Variants in WWP1 observed in about 807,000 individuals in gnomAD.
The protein encoded by WWP1 is NEDD4-like E3 ubiquitin-protein ligase WWP1.
Under a neutral mutation model 130.6 loss-of-function variants are expected in WWP1, and 49 were observed. The ratio of observed to expected loss-of-function variants is 0.38; its 90% CI spans 0.30 to 0.48. The LOEUF (loss-of-function observed/expected upper bound fraction) is 0.48. Among genes scored for constraint, WWP1 ranks in the 20% least tolerant of loss-of-function variants. The pLI is 0.99. For missense variants in WWP1, 809 were observed against 1,100.6 expected, an observed-to-expected ratio of 0.74 and a Z score of 3.75; for synonymous variants, 332 against 367.8, an observed-to-expected ratio of 0.90 and a Z score of 1.11.
rs907723183 is a variant in WWP1, at chr8:86,382,494, T to A, written c.334+865T>A. Among the ~76,000 whole-genome samples, 10 of 152,066 alleles carry A rather than the reference T, an allele frequency of 6.6e-5. No homozygotes were observed. The East Asian group carries it at 1.7e-3, about 26-fold the overall frequency. ...TGGGCAGATCACTTGAGATCAGAAG[T>A]TCAAGACCAGTCTGACCAACATGGT... On this transcript the variant is annotated intron_variant, in intron 5 of 24. Transcript: ENST00000517970.
chr8:86,458,390 C>T (rs1470855158), intron 22 of WWP1, among the ~76,000 whole-genome samples: 1 of 152,072 alleles, frequency 6.6e-6, no homozygotes, highest in Non-Finnish European at 1.5e-5. Context: ...ACTTTAATTC[C>T]TCTGAGGTAA....
chr8:86,379,226 A>AGTGGC (rs1824845587), intron 3 of WWP1, among the ~76,000 whole-genome samples: 1 of 152,170 alleles, frequency 6.6e-6, no homozygotes, highest in Non-Finnish European at 1.5e-5. Flanking sequence ...AACTTAGAGC[A>AGTGGC]GTTTGGAACG....
chr8:86,350,628 C>G (rs999172916), intron 1 of WWP1, among the ~76,000 whole-genome samples: 1 of 152,178 alleles, frequency 6.6e-6, no homozygotes, highest in African/African-American at 2.4e-5. Flanking sequence ...GAAGGTGCTT[C>G]TTGATGGCTG....
chr8:86,434,611 G>A lies in WWP1; in HGVS notation c.1602-841G>A, dbSNP rs118009207. On this transcript the variant is annotated intron_variant, in intron 14 of 24. Coordinates refer to ENST00000517970, the MANE Select transcript of WWP1 (RefSeq NM_007013.4). ...TTATTGTTTTATTGTTCTAGGTCAG[G>A]AGTGATAAGACATTTGTACTTTACT... 2.6e-3 allele frequency among the ~76,000 whole-genome samples: 390 copies of A among 152,152 alleles called. 5 individuals are homozygous for A. In the East Asian group the frequency reaches 0.064, roughly 25 times the overall value.
chr8:86,461,354 T>G (rs779513617), intron 23 of WWP1, 34 bp downstream of exon 23: 31 of 1,566,172 alleles, frequency 2.0e-5, no homozygotes, highest in South Asian at 3.3e-5. Flanking sequence ...TCTCTGTACG[T>G]AATTTTGTGA....
Position 86,425,132 on chromosome 8 carries a change from A to G in WWP1, c.1062-91A>G, listed in dbSNP as rs145000575. The G allele has an allele frequency of 2.6e-3, 2,324 of 894,662 alleles. 46 individuals are homozygous for G. The African/African-American group carries it at 0.035, about 13-fold the overall frequency. The allele number at this position is 894,662 out of a possible 1,614,324, so 55.4% of individuals were successfully genotyped here. On this transcript the variant is annotated intron_variant, in intron 9 of 24. Coordinates refer to ENST00000517970, the MANE Select transcript of WWP1 (RefSeq NM_007013.4). ...TGTATAGTCTTTTAATGTAAAGCTT[A>G]TCTGTAATTTTTCTGATTATAAGGA...
chr8:86,458,205 TTGAC>T (rs1305531114), intron 22 of WWP1, among the ~76,000 whole-genome samples, 180 bp downstream of exon 22: 13 of 152,348 alleles, frequency 8.5e-5, no homozygotes, highest in Admixed American at 5.2e-4. Flanking sequence ...TATTGCTTCT[TTGAC>T]TGTCTTGCTG....
intron 9 of WWP1, among the ~76,000 whole-genome samples, chr8:86,423,217 T>C (rs1441549406): frequency 2.0e-5 from 3 of 151,786 alleles, no homozygotes; most frequent in Admixed American, 1.3e-4. Flanking sequence ...TTTATTTATT[T>C]ATTTATTTTA....
chr8:86,426,726 A>G (rs1474193660), intron 10 of WWP1, among the ~76,000 whole-genome samples: 3 of 152,210 alleles, frequency 2.0e-5, no homozygotes, highest in Non-Finnish European at 4.4e-5. Flanking sequence ...CAGGAAGAAA[A>G]TTGGCAGCAA....
intron 8 of WWP1, among the ~76,000 whole-genome samples, chr8:86,406,835 T>C (rs1015240064): frequency 1.3e-5 from 2 of 152,218 alleles, no homozygotes; most frequent in Middle Eastern, 3.2e-3. Context: ...TTGCTGTGTA[T>C]ATGCAAGCAG....
chr8:86,386,379 T>G (rs549049708), intron 5 of WWP1, among the ~76,000 whole-genome samples: 1 of 151,876 alleles, frequency 6.6e-6, no homozygotes, highest in Admixed American at 6.6e-5. Context: ...TGTGTACAGT[T>G]GCTGTACCCT....
At chr8:86,413,206 C>G (rs938760488) in intron 9 of WWP1, among the ~76,000 whole-genome samples, 10 of 152,146 alleles carry the variant, frequency 6.6e-5, no homozygotes, top group Non-Finnish European at 1.2e-4. Flanking sequence ...ACTTTTCCCT[C>G]TTCTGTTTCC....
intron 5 of WWP1, among the ~76,000 whole-genome samples, chr8:86,384,325 A>G (rs944050871): frequency 6.6e-6 from 1 of 152,228 alleles, no homozygotes; most frequent in South Asian, 2.1e-4. Flanking sequence ...TGATAGTATC[A>G]TAATCCTTTT....
rs1811544478 is a variant in WWP1, at chr8:86,457,865, T to C, written c.2395-56T>C. 4 of 1,538,866 alleles carry C rather than the reference T, an allele frequency of 2.6e-6. No individual in the cohort carries two copies. The East Asian group carries it at 6.8e-5, about 26-fold the overall frequency. ...ACTGCATTAGGAAATTTCAGTCATA[T>C]AATTATTCTCTTCACTAAATCTTTA... is the stretch of plus-strand genomic sequence containing the variant. On this transcript the variant is annotated intron_variant, in intron 21 of 24. Transcript: ENST00000517970.
intron 1 of WWP1, among the ~76,000 whole-genome samples, chr8:86,364,459 A>T (rs1019796780): frequency 1.3e-5 from 2 of 152,182 alleles, no homozygotes; most frequent in Admixed American, 1.3e-4. Flanking sequence ...TATACATGTT[A>T]ATGAGAGGTA....
chr8:86,462,035 TG>T (rs1811794834), intron 24 of WWP1, among the ~76,000 whole-genome samples, 189 bp downstream of exon 24: 1 of 152,230 alleles, frequency 6.6e-6, no homozygotes, highest in African/African-American at 2.4e-5. Flanking sequence ...TAGAAATATT[TG>T]AGAAATGCAT....
chr8:86,434,470 C>T (rs916378201), intron 14 of WWP1, among the ~76,000 whole-genome samples: 2 of 152,324 alleles, frequency 1.3e-5, no homozygotes, highest in Middle Eastern at 6.8e-3. Flanking sequence ...CCCTCTCCTT[C>T]ATGTTTTTGC....
At chr8:86,406,660 G>A (rs1808296750) in intron 8 of WWP1, among the ~76,000 whole-genome samples, 1 of 151,984 alleles carries the variant, frequency 6.6e-6, no homozygotes, top group Non-Finnish European at 1.5e-5. Flanking sequence ...ACCTGTGTGT[G>A]TATGTGTGTG....
At position 86,347,222 on chromosome 8, in the gene WWP1, G is replaced by A. The variant is rs539666568; in HGVS notation, c.-115+4292G>A. 4.6e-5 allele frequency among the ~76,000 whole-genome samples: 7 copies of A among 152,192 alleles called. No individual in the cohort carries two copies. The South Asian group carries it at 1.0e-3, about 23-fold the overall frequency. ...AGGCTGGCCTCGAACTCCTGGACTCGTGGCCCTCCCACCATGGCCTTCCAA... is the reference window on the plus strand; with the variant it reads ...AGGCTGGCCTCGAACTCCTGGACTCATGGCCCTCCCACCATGGCCTTCCAA... On this transcript the variant is annotated intron_variant, in intron 1 of 24. Coordinates refer to ENST00000517970, the MANE Select transcript of WWP1 (RefSeq NM_007013.4).
Sources: allele counts gnomAD v4.1 joint callset (sites outside exome capture counted in the v4.1 genomes callset), GRCh38; gene constraint gnomAD v4.1.1; transcripts MANE v1.5; gene names NCBI Gene and HGNC (gene_info 2026-07-23, HGNC 2026-07-21).